The following RUVBL2 variants were observed in gnomAD, a reference collection of about 807,000 sequenced individuals.
The protein encoded by RUVBL2 is RuvB like AAA ATPase 2.
Under a neutral mutation model 57.9 loss-of-function variants are expected in RUVBL2, and 9 were observed. The observed-to-expected ratio is 0.16, with a 90% CI of 0.09 to 0.27. RUVBL2 has a LOEUF of 0.27. Among genes scored for constraint, RUVBL2 ranks in the 10% least tolerant of loss-of-function variants. RUVBL2 has a pLI of 1.00. For synonymous variants in RUVBL2, 278 were observed against 264.6 expected (o/e 1.05, Z -0.49); for missense variants, 456 against 669.6 (o/e 0.68, Z 3.52).
intron 4 of RUVBL2, among the ~76,000 whole-genome samples, chr19:49,006,339 C>T (rs1382298049): frequency 1.3e-5 from 2 of 152,250 alleles, no homozygotes; most frequent in African/African-American, 4.8e-5. Context: ...TTGCTGGAGA[C>T]AGACCTGCTT....
At position 49,015,062 on chromosome 19, in the gene RUVBL2, C is replaced by A; in HGVS notation, c.1163C>A (p.Thr388Lys). 3 of 1,608,422 alleles carry A rather than the reference C, an allele frequency of 1.9e-6. No homozygotes were observed. The highest frequency in any genetic ancestry group is 2.5e-6 in the Non-Finnish European group (3 of 1,177,510). Residue 388 changes from threonine (T) to lysine (K), a missense_variant, in exon 13 of 15, where the codon ACG becomes AAG. Thr to Lys is a moderately conservative substitution (Grantham distance 78). This residue lies in a region of RUVBL2 where 130 missense variants were observed against 243.0 expected (regional missense o/e 0.53). Coordinates refer to ENST00000595090, the MANE Select transcript of RUVBL2 (RefSeq NM_006666.3). ...EDVEMSEDAY[T>K]VLTRIGLETS... is the part of the protein sequence containing the mutation. ...GTGGAGATGAGTGAGGACGCCTACA[C>A]GGTGCTGACCCGCATCGGGCTGGAG... is the stretch of plus-strand genomic sequence containing the variant.
upstream of RUVBL2, chr19:48,993,693 G>C (rs1271479278): frequency 8.0e-6 from 5 of 623,952 alleles, no homozygotes; most frequent in Non-Finnish European, 1.4e-5. Flanking sequence ...GGAGGAGCCA[G>C]GAGACATTGG....
At chr19:49,004,630 A>C (rs2039248953) in intron 4 of RUVBL2, among the ~76,000 whole-genome samples, 1 of 152,044 alleles carries the variant, frequency 6.6e-6, no homozygotes, top group Admixed American at 6.6e-5. Context: ...TTCCTGCCTC[A>C]CCATCCTCTG....
chr19:49,002,409 C>G (rs2122599199), intron 2 of RUVBL2, among the ~76,000 whole-genome samples: 1 of 152,116 alleles, frequency 6.6e-6, no homozygotes, highest in South Asian at 2.1e-4. Context: ...TTTGCTCAAC[C>G]CTCATCTAAT....
intron 12 of RUVBL2, 63 bp from the exon 13 acceptor site, chr19:49,014,958 C>T: frequency 6.5e-7 from 1 of 1,549,358 alleles, no homozygotes; most frequent in Non-Finnish European, 8.7e-7. Flanking sequence ...TTGCTGTGGC[C>T]ACTTCTGCTG....
chr19:49,010,870 C>T, intron 9 of RUVBL2, 129 bp from the exon 10 acceptor site: 5 of 904,848 alleles, frequency 5.5e-6, no homozygotes, highest in Non-Finnish European at 8.7e-6. Flanking sequence ...ATGTTTCAGG[C>T]TCCTCATCCC....
chr19:49,010,473 A>ACCCCCCCCCCCCCCCCC lies in RUVBL2; in HGVS notation c.664-10_664-9insCCCCCCCCCCCCCCCCC. On this transcript the variant is annotated splice_polypyrimidine_tract_variant and intron_variant, in intron 8 of 14. Transcript: ENST00000595090. The stretch of plus-strand genomic sequence containing the variant: ...GCCCTGTCTCCGCCGTTCTTCCCCC[A>ACCCCCCCCCCCCCCCCC]CCCCCGCCCCATAGACCAAGTTCGT... 1.3e-6 allele frequency: 1 copy of ACCCCCCCCCCCCCCCCC among 753,970 alleles called. No individual in the cohort carries two copies. 46.7% of individuals were successfully genotyped at this position (753,970 alleles called of 1,614,324 possible).
intron 13 of RUVBL2, 88 bp downstream of exon 13, chr19:49,015,238 T>G: frequency 6.6e-7 from 1 of 1,522,062 alleles, no homozygotes; most frequent in Non-Finnish European, 8.9e-7. Context: ...GATTTCATCC[T>G]AGAATGTACG....
At chr19:48,996,967 G>GA (rs1555801298) in intron 1 of RUVBL2, among the ~76,000 whole-genome samples, 1 of 144,908 alleles carries the variant, frequency 6.9e-6, no homozygotes, top group African/African-American at 2.5e-5. Context: ...CCAGCCTGTT[G>GA]TTTTTTTTTT....
In RUVBL2 at chr19:49,001,179, G is replaced by T. The variant is rs780615553; in HGVS notation, c.67+1806G>T. ...AATAAAAACATTTTTTTTTTTTTTT[G>T]GAGACGGAGTCTCGCTCTGTCGCCC... On this transcript the variant is annotated intron_variant, in intron 2 of 14. Coordinates refer to ENST00000595090, the MANE Select transcript of RUVBL2 (RefSeq NM_006666.3). 8.5e-3 allele frequency among the ~76,000 whole-genome samples: 936 copies of T among 109,780 alleles called. 3 individuals are homozygous for T. Among genetic ancestry groups the T allele is most frequent in the Non-Finnish European group, 0.013 (686 of 51,418 alleles). 72.0% of individuals were successfully genotyped at this position (109,780 alleles called of 152,430 possible).
chr19:49,008,571 C>T (rs1277498112), intron 6 of RUVBL2, among the ~76,000 whole-genome samples: 16 of 151,124 alleles, frequency 1.1e-4, no homozygotes, highest in African/African-American at 2.4e-5. Flanking sequence ...TTTGGCCAGG[C>T]GCAGTGGCTC....
At chr19:49,014,870 C>A in intron 12 of RUVBL2, 151 bp from the exon 13 acceptor site, 1 of 1,206,826 alleles carries the variant, frequency 8.3e-7, no homozygotes, top group Non-Finnish European at 1.1e-6. Context: ...CCCCTGTCTC[C>A]GTGGCTCTTC....
intron 1 of RUVBL2, among the ~76,000 whole-genome samples, chr19:48,996,123 C>T (rs908341631): frequency 1.3e-5 from 2 of 151,528 alleles, no homozygotes; most frequent in African/African-American, 4.8e-5. Flanking sequence ...AGCAGTCCAG[C>T]CTGGGGGACA....
chr19:49,006,153 T>C (rs1253795977), intron 4 of RUVBL2, among the ~76,000 whole-genome samples: 1 of 152,230 alleles, frequency 6.6e-6, no homozygotes, highest in African/African-American at 2.4e-5. Flanking sequence ...CCTCAGCAGA[T>C]ACTTGCTGAG....
chr19:49,007,132 T>C lies in RUVBL2; in HGVS notation c.380T>C (p.Ile127Thr). ...EALTQAFRRS[I>T]GVRIKEETEI... The stretch of plus-strand genomic sequence containing the variant: ...CTGACGCAGGCCTTCCGGCGGTCCA[T>C]CGGCGTTCGCATCAAGTAAGCGGGG... Residue 127 changes from isoleucine to threonine, a missense_variant, in exon 5 of 15, where the codon ATC becomes ACC. Ile to Thr is a moderately conservative substitution (Grantham distance 89). Transcript: ENST00000595090. 1 of 1,613,294 alleles carries C rather than the reference T, an allele frequency of 6.2e-7. No homozygotes were observed. Among genetic ancestry groups the C allele is most frequent in the Middle Eastern group, 1.6e-4 (1 of 6,062 alleles).
intron 1 of RUVBL2, among the ~76,000 whole-genome samples, chr19:48,997,829 C>T (rs558414161): frequency 6.6e-6 from 1 of 151,890 alleles, no homozygotes; most frequent in African/African-American, 2.4e-5. Flanking sequence ...TGGGGGGGTC[C>T]TGAATTGTCC....
intron 1 of RUVBL2, among the ~76,000 whole-genome samples, chr19:48,995,086 G>T (rs2039029834): frequency 6.6e-6 from 1 of 152,076 alleles, no homozygotes; most frequent in East Asian, 1.9e-4. Flanking sequence ...GCAAGGAGGA[G>T]GAGGAGGTGG....
intron 6 of RUVBL2, among the ~76,000 whole-genome samples, chr19:49,008,008 CTTTTTTTTTTTT>C (rs915809242): frequency 1.1e-5 from 1 of 90,386 alleles, no homozygotes; most frequent in South Asian, 4.3e-4. Context: ...TACCTGGCCT[CTTTTTTTTTTTT>C]TTTTTTTTTT....
At chr19:49,005,366 G>A (rs1341592939) in intron 4 of RUVBL2, among the ~76,000 whole-genome samples, 1 of 152,188 alleles carries the variant, frequency 6.6e-6, no homozygotes, top group Non-Finnish European at 1.5e-5. Context: ...TCCTGGTCTG[G>A]AGGAGGTGGT....
Sources: allele counts gnomAD v4.1 joint callset (sites outside exome capture counted in the v4.1 genomes callset), GRCh38; gene constraint gnomAD v4.1.1; regional missense constraint gnomAD v4.1.1; transcripts MANE v1.5; gene names NCBI Gene and HGNC (gene_info 2026-07-23, HGNC 2026-07-21).